Variants in EPB41L1 observed in about 807,000 individuals in gnomAD.
EPB41L1 encodes band 4.1-like protein 1.
A neutral mutation model predicts 97.8 loss-of-function variants in EPB41L1; 29 were observed. The observed-to-expected ratio is 0.30, with a 90% CI of 0.22 to 0.40. The LOEUF (loss-of-function observed/expected upper bound fraction) is 0.40. Ranked by LOEUF, EPB41L1 falls within the 10% of genes least tolerant of loss-of-function variation. The probability of loss-of-function intolerance (pLI) is 1.00; values close to 1 mark genes in which losing one functional copy is unlikely to be tolerated. For synonymous variants in EPB41L1, 383 were observed against 459.2 expected, an observed-to-expected ratio of 0.83 and a Z score of 2.12; for missense variants, 812 against 1,162.3, an observed-to-expected ratio of 0.70 and a Z score of 4.38.
chr20:36,202,640 A>AAAC (rs1555875312), intron 14 of EPB41L1, among the ~76,000 whole-genome samples: 3 of 149,876 alleles, frequency 2.0e-5, no homozygotes, highest in Non-Finnish European at 4.4e-5. Context: ...CTAAAAATAC[A>AAAC]AATAATAATA....
chr20:36,173,967 G>T lies in EPB41L1; in HGVS notation c.177+13G>T. 1 of 1,607,300 alleles carries T rather than the reference G, an allele frequency of 6.2e-7. No homozygotes were observed. Among genetic ancestry groups the T allele is most frequent in the Non-Finnish European group, 8.5e-7 (1 of 1,176,936 alleles). The stretch of plus-strand genomic sequence containing the variant: ...GCCTGCTGAACAGGTGTGTGCCCGA[G>T]AGCATGGGCGTACCTTTCCTGCCCA... On this transcript the variant is annotated intron_variant, in intron 2 of 21. Transcript: ENST00000338074.
rs955492190 is a variant in EPB41L1, at chr20:36,188,248, G to C, written c.874-99G>C. ...GCTCTAACCCTGTTCCTGAGAGCTC[G>C]TTACAAGCAGCGCACAGGGCAGTGT... On this transcript the variant is annotated intron_variant, in intron 8 of 21. Coordinates refer to ENST00000338074, the MANE Select transcript of EPB41L1 (RefSeq NM_012156.2). The C allele has an allele frequency of 1.3e-5, 20 of 1,537,796 alleles. No homozygotes were observed. The Admixed American group carries it at 2.3e-4, about 18-fold the overall frequency.
At chr20:36,213,792 C>T (rs1283564044) in intron 16 of EPB41L1, among the ~76,000 whole-genome samples, 1 of 152,160 alleles carries the variant, frequency 6.6e-6, no homozygotes, top group Non-Finnish European at 1.5e-5. Flanking sequence ...CCTATTTCAA[C>T]ACAGATACCT....
At position 36,206,986 on chromosome 20, in the gene EPB41L1, C is replaced by T; in HGVS notation, c.1669-2502C>T. On this transcript the variant is annotated intron_variant, in intron 14 of 21. Coordinates refer to ENST00000338074, the MANE Select transcript of EPB41L1 (RefSeq NM_012156.2). The surrounding 1 kb of genome is among the most constrained non-coding windows in gnomAD (Gnocchi z 5.5). ...AGTCAAACCAGACAGAGGCAACTTC[C>T]CACCCAAAGAGAGGGGAGTGGTTCC... The T allele has an allele frequency of 1.6e-6, 2 of 1,289,976 alleles. No homozygotes were observed. The highest frequency in any genetic ancestry group is 1.0e-6 in the Non-Finnish European group (1 of 988,908). The allele number at this position is 1,289,976 out of a possible 1,614,324, so 79.9% of individuals were successfully genotyped here.
At chr20:36,100,563 A>G (rs2057979275) in intron 1 of EPB41L1, among the ~76,000 whole-genome samples, 1 of 152,132 alleles carries the variant, frequency 6.6e-6, no homozygotes, top group African/African-American at 2.4e-5. Flanking sequence ...CCTTACAACT[A>G]CCAAGTGAGG....
chr20:36,142,874 G>C (rs985808275), intron 2 of EPB41L1, among the ~76,000 whole-genome samples: 4 of 152,234 alleles, frequency 2.6e-5, no homozygotes, highest in Admixed American at 2.6e-4. Context: ...AGCCTGGTGT[G>C]ATCAGCGTAG....
intron 6 of EPB41L1, among the ~76,000 whole-genome samples, chr20:36,184,744 C>T (rs2061612183): frequency 6.6e-6 from 1 of 152,154 alleles, no homozygotes; most frequent in African/African-American, 2.4e-5. Context: ...AGAGTCACCT[C>T]TAAAGTGTGA....
intron 2 of EPB41L1, among the ~76,000 whole-genome samples, chr20:36,116,713 C>T (rs1194392699): frequency 6.6e-6 from 1 of 152,228 alleles, no homozygotes; most frequent in African/African-American, 2.4e-5. Context: ...ATATGCCTCT[C>T]ACCCATGGAG....
chr20:36,124,232 G>A (rs1240016352), intron 2 of EPB41L1, among the ~76,000 whole-genome samples: 1 of 152,106 alleles, frequency 6.6e-6, no homozygotes, highest in Non-Finnish European at 1.5e-5. Context: ...TCCAGCCTGG[G>A]CGACAGAGTG....
At chr20:36,158,874 G>A (rs774827408) in intron 1 of EPB41L1, among the ~76,000 whole-genome samples, 2 of 152,142 alleles carry the variant, frequency 1.3e-5, no homozygotes, top group Admixed American at 1.3e-4. Context: ...AAGGTGTTTC[G>A]ACTTGACGTG....
intron 4 of EPB41L1, among the ~76,000 whole-genome samples, chr20:36,178,388 T>G (rs1258213035): frequency 6.6e-6 from 1 of 152,192 alleles, no homozygotes; most frequent in East Asian, 1.9e-4. Context: ...ATGCATCACC[T>G]GCTCACTGGG....
intron 1 of EPB41L1, among the ~76,000 whole-genome samples, chr20:36,095,979 T>C (rs2057818110): frequency 6.6e-6 from 1 of 151,410 alleles, no homozygotes; most frequent in African/African-American, 2.4e-5. Flanking sequence ...TGAGCTGAGA[T>C]TGCATCACTG....
Position 36,229,515 on chromosome 20 carries a change from T to C in EPB41L1, c.*175T>C. 4.9e-6 allele frequency: 3 copies of C among 617,132 alleles called. No homozygotes were observed. Among genetic ancestry groups the C allele is most frequent in the Admixed American group, 5.0e-5 (2 of 40,270 alleles). 38.2% of individuals were successfully genotyped at this position (617,132 alleles called of 1,614,324 possible). A position where few individuals can be genotyped will look rare whatever the true frequency, so the allele number is the denominator to read the frequency against. The stretch of plus-strand genomic sequence containing the variant: ...ATATATAGATATATAGAGATATAGA[T>C]ATATATACAGGAAACACCGCATCCT... On this transcript the variant is annotated 3_prime_UTR_variant, in exon 22 of 22. Transcript: ENST00000338074.
chr20:36,157,801 A>G (rs2060370899), intron 1 of EPB41L1, among the ~76,000 whole-genome samples: 1 of 152,204 alleles, frequency 6.6e-6, no homozygotes, highest in Non-Finnish European at 1.5e-5. Flanking sequence ...CTTTTAGGGA[A>G]GATGGGCTGG....
intron 1 of EPB41L1, among the ~76,000 whole-genome samples, chr20:36,108,494 G>A (rs1427639420): frequency 0.014 from 1 of 70 alleles, no homozygotes; most frequent in Non-Finnish European, 0.031. Context: ...GGGCAACATG[G>A]GGAAACCTGT....
chr20:36,108,629 G>A (rs908130897), intron 1 of EPB41L1, among the ~76,000 whole-genome samples: 5 of 152,072 alleles, frequency 3.3e-5, no homozygotes, highest in African/African-American at 1.2e-4. Flanking sequence ...AGCCAAGATC[G>A]TGCCACTGCA....
intron 1 of EPB41L1, among the ~76,000 whole-genome samples, chr20:36,101,325 G>A (rs2746102): frequency 0.27 from 40,809 of 151,948 alleles, 7,230 homozygotes; most frequent in African/African-American, 0.51. Flanking sequence ...TGTGCAGCCC[G>A]GGAGTCCAGA....
At chr20:36,128,181 C>T (rs1174574592) in intron 2 of EPB41L1, among the ~76,000 whole-genome samples, 1 of 152,136 alleles carries the variant, frequency 6.6e-6, no homozygotes, top group Non-Finnish European at 1.5e-5. Flanking sequence ...GCAGTCTCCC[C>T]ATCTATCACA....
At chr20:36,136,691 T>A (rs1478101081) in intron 2 of EPB41L1, among the ~76,000 whole-genome samples, 1 of 151,784 alleles carries the variant, frequency 6.6e-6, no homozygotes, top group East Asian at 1.9e-4. Flanking sequence ...ACTTCAGCAG[T>A]CCACCTGCCT....
Sources: allele counts gnomAD v4.1 joint callset (sites outside exome capture counted in the v4.1 genomes callset), GRCh38; gene constraint gnomAD v4.1.1; non-coding constraint Gnocchi (gnomAD v3.1); transcripts MANE v1.5; gene names NCBI Gene and HGNC (gene_info 2026-07-23, HGNC 2026-07-21).